Variants in CNTNAP2 observed in about 807,000 individuals in gnomAD.
CNTNAP2 encodes contactin associated protein 2.
Under a neutral mutation model 155.2 loss-of-function variants are expected in CNTNAP2, and 98 were observed. The ratio of observed to expected loss-of-function variants is 0.63; its 90% confidence interval spans 0.54 to 0.75. The LOEUF (loss-of-function observed/expected upper bound fraction) is 0.75, where lower values mean the gene tolerates loss of function less well. Ranked by LOEUF, CNTNAP2 falls within the 30% of genes least tolerant of loss-of-function variation. CNTNAP2 has a pLI of 0.00. For missense variants in CNTNAP2, 1,727 were observed against 1,688.1 expected (o/e 1.02, Z -0.40); for synonymous variants, 651 against 631.2 (o/e 1.03, Z -0.47).
chr7:146,823,576 C>G (rs1438656907), intron 2 of CNTNAP2, among the ~76,000 whole-genome samples: 1 of 137,774 alleles, frequency 7.3e-6, no homozygotes, highest in Non-Finnish European at 1.5e-5. Context: ...TGGAAATATA[C>G]CATTCTTCAG....
At chr7:148,334,971 C>T (rs1266441237) in intron 21 of CNTNAP2, among the ~76,000 whole-genome samples, 1 of 152,220 alleles carries the variant, frequency 6.6e-6, no homozygotes, top group African/African-American at 2.4e-5. Flanking sequence ...GAGGTGGAAC[C>T]ACTCAAAGAC....
intron 15 of CNTNAP2, among the ~76,000 whole-genome samples, chr7:148,094,904 A>T (rs1803929764): frequency 6.6e-6 from 1 of 152,254 alleles, no homozygotes; most frequent in African/African-American, 2.4e-5. Flanking sequence ...TTGAGATCAC[A>T]TAGATAAATG....
intron 13 of CNTNAP2, among the ~76,000 whole-genome samples, chr7:147,892,101 A>C (rs1243097536): frequency 6.6e-6 from 1 of 152,250 alleles, no homozygotes; most frequent in Non-Finnish European, 1.5e-5. Flanking sequence ...TGCAAAAAAA[A>C]ATCCTAACAA....
chr7:147,010,770 T>C (rs1798608402), intron 3 of CNTNAP2, among the ~76,000 whole-genome samples: 2 of 152,150 alleles, frequency 1.3e-5, no homozygotes, highest in African/African-American at 2.4e-5. Flanking sequence ...AATCAAAATA[T>C]AGCAATCATT....
chr7:147,554,532 A>G (rs2214735), intron 11 of CNTNAP2, among the ~76,000 whole-genome samples: 68,511 of 147,216 alleles, frequency 0.47, 15,668 homozygotes, highest in East Asian at 0.61. Context: ...TTTTTGAAGG[A>G]CTTATCAAGT....
chr7:148,166,670 G>T (rs1252431987), intron 17 of CNTNAP2, among the ~76,000 whole-genome samples: 1 of 152,106 alleles, frequency 6.6e-6, no homozygotes, highest in African/African-American at 2.4e-5. Flanking sequence ...AAGAAAAAAT[G>T]ATTTACAAAT....
intron 8 of CNTNAP2, among the ~76,000 whole-genome samples, chr7:147,204,969 T>G (rs1049759609): frequency 2.4e-4 from 36 of 152,170 alleles, no homozygotes; most frequent in Non-Finnish European, 1.9e-4. Context: ...GGTGCTCTAT[T>G]CTGTTCCATT....
chr7:147,186,599 A>G (rs1428605574), intron 8 of CNTNAP2, among the ~76,000 whole-genome samples: 3 of 152,180 alleles, frequency 2.0e-5, no homozygotes, highest in African/African-American at 7.2e-5. Flanking sequence ...TCATTGGAGT[A>G]GGAGGTGCTG....
intron 1 of CNTNAP2, among the ~76,000 whole-genome samples, chr7:146,576,323 A>G (rs1046830565): frequency 1.3e-5 from 2 of 152,238 alleles, no homozygotes; most frequent in Admixed American, 6.5e-5. Context: ...GAATTTTCCC[A>G]ACCAGCTTAC....
At chr7:146,888,187 A>T (rs1012752065) in intron 3 of CNTNAP2, among the ~76,000 whole-genome samples, 3 of 152,136 alleles carry the variant, frequency 2.0e-5, no homozygotes, top group Non-Finnish European at 4.4e-5. Flanking sequence ...TGTTATTTAC[A>T]ACATGGTATC....
At chr7:147,075,717 G>A (rs1226425874) in intron 4 of CNTNAP2, among the ~76,000 whole-genome samples, 1 of 151,672 alleles carries the variant, frequency 6.6e-6, no homozygotes, top group African/African-American at 2.4e-5. Flanking sequence ...GTGCCATGTT[G>A]GTGTGCTACA....
intron 18 of CNTNAP2, among the ~76,000 whole-genome samples, chr7:148,174,168 A>C (rs1794886743): frequency 6.6e-6 from 1 of 152,270 alleles, no homozygotes; most frequent in African/African-American, 2.4e-5. Flanking sequence ...CTTTAACCAA[A>C]AAATTTAAAT....
chr7:146,633,322 AAC>A (rs1799540512), intron 1 of CNTNAP2, among the ~76,000 whole-genome samples: 1 of 152,208 alleles, frequency 6.6e-6, no homozygotes, highest in African/African-American at 2.4e-5. Flanking sequence ...TATTCCATTT[AAC>A]TGGGGTTACT....
At chr7:147,100,399 A>G (rs137922849) in intron 4 of CNTNAP2, among the ~76,000 whole-genome samples, 1,875 of 152,308 alleles carry the variant, frequency 0.012, 20 homozygotes, top group Middle Eastern at 0.02. Context: ...CTGAAAATCA[A>G]TAACCATTTC....
chr7:146,430,538 G>A (rs1172634319), intron 1 of CNTNAP2, among the ~76,000 whole-genome samples: 3 of 151,944 alleles, frequency 2.0e-5, no homozygotes, highest in African/African-American at 7.2e-5. Flanking sequence ...TTTTATGGAG[G>A]CAGTAACTGC....
At chr7:147,528,467 T>A (rs1230289668) in intron 11 of CNTNAP2, among the ~76,000 whole-genome samples, 1 of 152,090 alleles carries the variant, frequency 6.6e-6, no homozygotes, top group Non-Finnish European at 1.5e-5. Flanking sequence ...TCTCACTTGG[T>A]CTCCCTCAGT....
At chr7:148,299,645 G>A (rs1481536952) in intron 21 of CNTNAP2, among the ~76,000 whole-genome samples, 2 of 152,132 alleles carry the variant, frequency 1.3e-5, no homozygotes, top group African/African-American at 4.8e-5. Flanking sequence ...CATTCCACTG[G>A]CCTAATAATT....
intron 1 of CNTNAP2, among the ~76,000 whole-genome samples, chr7:146,763,128 A>T (rs898950998): frequency 6.6e-6 from 1 of 152,168 alleles, no homozygotes; most frequent in Non-Finnish European, 1.5e-5. Context: ...AGTCTTCTGC[A>T]GTCTCTCTGG....
chr7:147,472,083 A>G (rs1584754426), intron 10 of CNTNAP2, among the ~76,000 whole-genome samples: 1 of 152,094 alleles, frequency 6.6e-6, no homozygotes, highest in African/African-American at 2.4e-5. Context: ...TTCGTGGGTT[A>G]TGCTATAGAA....
Sources: allele counts gnomAD v4.1 joint callset (sites outside exome capture counted in the v4.1 genomes callset), GRCh38; gene constraint gnomAD v4.1.1; transcripts MANE v1.5; gene names NCBI Gene and HGNC (gene_info 2026-07-23, HGNC 2026-07-21).